Variants in AP3D1 observed in about 807,000 individuals in gnomAD.
AP3D1 encodes the protein AP-3 complex subunit delta-1.
In AP3D1, 51 loss-of-function variants were observed where a neutral mutation model predicts 147.6. That is an observed-to-expected ratio of 0.35 (90% confidence interval 0.28 to 0.44). The LOEUF (loss-of-function observed/expected upper bound fraction) is 0.44. AP3D1 is among the 20% of genes least tolerant of loss of function. AP3D1 has a pLI of 1.00. For synonymous variants in AP3D1, 760 were observed against 663.0 expected (o/e 1.15, Z -2.25); for missense variants, 1,421 against 1,624.2 (o/e 0.87, Z 2.15).
rs1241479941 is a variant in AP3D1 at position 2,102,105 on chromosome 19, G to A, written c.*68C>T. On this transcript the variant is annotated 3_prime_UTR_variant, in exon 32 of 32. Coordinates refer to ENST00000643116, the MANE Select transcript of AP3D1 (RefSeq NM_001261826.3). ...ACAGTACACACGACTGAGGAGAGGCGAGACACGTCAGGGCTGCGGTCCCTG... is the reference window on the plus strand; with the variant it reads ...ACAGTACACACGACTGAGGAGAGGCAAGACACGTCAGGGCTGCGGTCCCTG... 12 of 1,289,414 alleles carry A rather than the reference G, an allele frequency of 9.3e-6. No individual in the cohort carries two copies. The highest frequency in any genetic ancestry group is 9.2e-5 in the East Asian group (4 of 43,290). 79.9% of individuals were successfully genotyped at this position (1,289,414 alleles called of 1,614,324 possible). A position where few individuals can be genotyped will look rare whatever the true frequency, so the allele number is the denominator to read the frequency against.
intron 1 of AP3D1, among the ~76,000 whole-genome samples, chr19:2,143,567 G>A (rs2019279579): frequency 6.6e-6 from 1 of 151,758 alleles, no homozygotes. Flanking sequence ...GTATTTTTGT[G>A]TAGAGAGGAG....
At chr19:2,159,005 T>C (rs2019672156) in intron 1 of AP3D1, among the ~76,000 whole-genome samples, 1 of 152,100 alleles carries the variant, frequency 6.6e-6, no homozygotes, top group South Asian at 2.1e-4. Flanking sequence ...TTATAATTTT[T>C]TTTTTTAATG....
At position 2,120,981 on chromosome 19, in the gene AP3D1, G is replaced by T. The variant is rs376667593; in HGVS notation, c.1362C>A (p.Phe454Leu). The T allele has an allele frequency of 6.2e-7, 1 of 1,612,034 alleles. No individual in the cohort carries two copies. Among genetic ancestry groups the T allele is most frequent in the African/African-American group, 1.3e-5 (1 of 74,946 alleles). The part of the protein sequence containing the change: ...VAIRVKAIRK[F>L]AVSQMSALLD... Reference sequence around the variant, plus strand: ...GCAGCGCAGACATCTGGGACACGGCGAACTTGCGGATGGCCTTCACGCGGA... The same window carrying T: ...GCAGCGCAGACATCTGGGACACGGCTAACTTGCGGATGGCCTTCACGCGGA... Residue 454 changes from phenylalanine (F) to leucine (L), a missense_variant, in exon 14 of 32, where the codon TTC becomes TTA. Physicochemically the swap from Phe to Leu is conservative, Grantham distance 22. Transcript: ENST00000643116.
chr19:2,150,014 G>A (rs2019463116), intron 1 of AP3D1, among the ~76,000 whole-genome samples: 2 of 152,232 alleles, frequency 1.3e-5, no homozygotes, highest in African/African-American at 4.8e-5. Context: ...GGGAAGTGGG[G>A]TGGAGAAGAA....
intron 29 of AP3D1, 50 bp downstream of exon 29, chr19:2,109,823 G>T: frequency 1.3e-6 from 2 of 1,556,124 alleles, no homozygotes; most frequent in Non-Finnish European, 1.8e-6. Context: ...GCAAGGTAGA[G>T]GGGAGGCGGA....
At chr19:2,163,507 G>A (rs1018232606) in intron 1 of AP3D1, among the ~76,000 whole-genome samples, 2 of 86,218 alleles carry the variant, frequency 2.3e-5, no homozygotes, top group African/African-American at 8.8e-5. Flanking sequence ...TTTTTTTTTT[G>A]TACCCAATAA....
chr19:2,145,951 C>T (rs562357987), intron 1 of AP3D1, among the ~76,000 whole-genome samples: 5 of 152,348 alleles, frequency 3.3e-5, no homozygotes, highest in Admixed American at 3.3e-4. Context: ...ACCCCCCAAA[C>T]ACCCCAGCCC....
chr19:2,162,921 C>G (rs985238902), intron 1 of AP3D1, among the ~76,000 whole-genome samples: 1 of 151,878 alleles, frequency 6.6e-6, no homozygotes, highest in African/African-American at 2.4e-5. Context: ...GTGGTGAAAC[C>G]GCCTTTGCAA....
chr19:2,123,791 G>A (rs912476706), intron 10 of AP3D1, 39 bp downstream of exon 10: 14 of 1,552,098 alleles, frequency 9.0e-6, no homozygotes, highest in Non-Finnish European at 1.1e-5. Context: ...GGCCTCTGCA[G>A]TGTGGGACCC....
At chr19:2,147,462 G>C (rs1024892862) in intron 1 of AP3D1, among the ~76,000 whole-genome samples, 9 of 145,542 alleles carry the variant, frequency 6.2e-5, no homozygotes, top group Non-Finnish European at 1.2e-4. Context: ...GGCTGAGGCA[G>C]GGAGAACTGC....
intron 1 of AP3D1, among the ~76,000 whole-genome samples, chr19:2,163,991 G>A (rs2019809822): frequency 6.7e-6 from 1 of 149,680 alleles, no homozygotes; most frequent in South Asian, 2.1e-4. Context: ...CCGGGCCTGT[G>A]ACTACAAAGA....
chr19:2,137,927 G>T, intron 2 of AP3D1, 120 bp from the exon 3 acceptor site: 1 of 743,816 alleles, frequency 1.3e-6, no homozygotes, highest in Middle Eastern at 2.9e-4. Context: ...TTCACTGTCA[G>T]CAAACCACCC....
rs2018331650 is a variant in AP3D1, at chr19:2,113,049, A to G, written c.2680-82T>C. Reference sequence around the variant, plus strand: ...GCACCCCAGACAGCCTCCATGCCACACACCCTCAGCTTGCCCTCACGCCTG... The same window carrying G: ...GCACCCCAGACAGCCTCCATGCCACGCACCCTCAGCTTGCCCTCACGCCTG... On this transcript the variant is annotated intron_variant, in intron 23 of 31. Coordinates refer to ENST00000643116, the MANE Select transcript of AP3D1 (RefSeq NM_001261826.3). 2.9e-6 allele frequency: 3 copies of G among 1,021,744 alleles called. No individual in the cohort carries two copies. In the East Asian group the frequency reaches 7.9e-5, roughly 27 times the overall value. The allele number at this position is 1,021,744 out of a possible 1,614,324, so 63.3% of individuals were successfully genotyped here. A position where few individuals can be genotyped will look rare whatever the true frequency, so the allele number is the denominator to read the frequency against.
intron 1 of AP3D1, among the ~76,000 whole-genome samples, chr19:2,149,925 C>T (rs939470081): frequency 6.6e-6 from 1 of 152,222 alleles, no homozygotes; most frequent in Non-Finnish European, 1.5e-5. Context: ...AGAATCTGAA[C>T]ATTACTCCAG....
upstream of AP3D1, among the ~76,000 whole-genome samples, chr19:2,154,477 C>A (rs1053915499): frequency 6.6e-6 from 1 of 152,016 alleles, no homozygotes; most frequent in African/African-American, 2.4e-5. Context: ...CAGGGTTTCA[C>A]CATGTTGGCC....
At chr19:2,118,954 C>T in intron 14 of AP3D1, 122 bp from the exon 15 acceptor site, 4 of 890,882 alleles carry the variant, frequency 4.5e-6, no homozygotes, top group South Asian at 1.7e-5. Flanking sequence ...TTCCCATTCC[C>T]TGAGCGGTCT....
intron 15 of AP3D1, among the ~76,000 whole-genome samples, chr19:2,117,602 T>G (rs1031277972): frequency 6.6e-6 from 1 of 152,198 alleles, no homozygotes; most frequent in Non-Finnish European, 1.5e-5. Flanking sequence ...ACAGGGAGCT[T>G]TGCCCACTGC....
At chr19:2,137,879 A>G in intron 2 of AP3D1, 72 bp from the exon 3 acceptor site, 1 of 1,407,496 alleles carries the variant, frequency 7.1e-7, no homozygotes. Flanking sequence ...CGCGGCATCA[A>G]GCGCTCCCTC....
rs1327298687 is a variant in AP3D1 at position 2,110,776 on chromosome 19, C to A, written c.3106G>T (p.Ala1036Ser). The A allele has an allele frequency of 6.2e-7, 1 of 1,613,032 alleles. No individual in the cohort carries two copies. The highest frequency in any genetic ancestry group is 8.5e-7 in the Non-Finnish European group (1 of 1,179,960). The change falls in exon 27 of 32, where the codon GCC (alanine) becomes TCC (serine). Residue 1036 changes from alanine (A) to serine (S), a missense_variant. Physicochemically the swap from Ala to Ser is moderately conservative, Grantham distance 99. Coordinates refer to ENST00000643116, the MANE Select transcript of AP3D1 (RefSeq NM_001261826.3). ...MELSVLDSLN[A>S]RMARPQGSSV... ...GAGCCCTGCGGCCGGGCCATCCTGG[C>A]ATTGAGTGAGTCCAGCACGCTGAGC...
Sources: gnomAD v4.1 joint callset for allele counts (sites outside exome capture counted in the v4.1 genomes callset) on GRCh38, gnomAD v4.1.1 for gene constraint, MANE v1.5 for transcripts, NCBI Gene and HGNC (gene_info 2026-07-23, HGNC 2026-07-21) for gene names.